Variants in SOX5 observed in about 807,000 individuals in gnomAD.
SOX5 encodes the protein transcription factor SOX-5.
SOX5 carries 9 observed loss-of-function variants against 92.0 expected under a neutral mutation model. The observed-to-expected ratio is 0.10, with a 90% CI of 0.06 to 0.17. The LOEUF is 0.17. Among genes scored for constraint, SOX5 ranks in the 10% least tolerant of loss-of-function variants. SOX5 has a pLI of 1.00. For synonymous variants in SOX5, 344 were observed against 336.3 expected (o/e 1.02, Z -0.25); for missense variants, 642 against 944.5 (o/e 0.68, Z 4.20).
At chr12:23,965,025 CA>C (rs919922095) in intron 4 of SOX5, among the ~76,000 whole-genome samples, 8 of 151,958 alleles carry the variant, frequency 5.3e-5, no homozygotes, top group African/African-American at 1.7e-4. Context: ...CAGCAGCCCC[CA>C]GGGGGCGCGT....
intron 2 of SOX5, among the ~76,000 whole-genome samples, chr12:24,323,555 G>A (rs1057491850): frequency 6.6e-6 from 1 of 151,924 alleles, no homozygotes; most frequent in African/African-American, 2.4e-5. Flanking sequence ...ATATATTACA[G>A]AGAATATTCC....
At position 24,198,940 on chromosome 12, in the gene SOX5, G is replaced by C. The variant is rs142569174; in HGVS notation, c.-2+14403C>G. On this transcript the variant is annotated intron_variant, in intron 4 of 4. Transcript: ENST00000446891. The stretch of plus-strand genomic sequence containing the variant: ...GGCCTGCTCCCCGTGTGGCGCTCCA[G>C]TGAGACGGCAGCCTTGCAGATATCC... 5.6e-4 allele frequency among the ~76,000 whole-genome samples: 86 copies of C among 152,344 alleles called. 1 individual carries two copies. The highest frequency in any genetic ancestry group is 1.9e-3 in the African/African-American group (80 of 41,580).
chr12:23,678,765 C>T, intron 6 of SOX5, among the ~76,000 whole-genome samples: 1 of 152,020 alleles, frequency 6.6e-6, no homozygotes, highest in East Asian at 1.9e-4. Context: ...TAAAGTCAAA[C>T]AGATAGCAAA....
chr12:24,528,203 T>G (rs1029580014), intron 1 of SOX5, among the ~76,000 whole-genome samples: 2 of 152,220 alleles, frequency 1.3e-5, no homozygotes, highest in African/African-American at 4.8e-5. Context: ...AAGATTCTCC[T>G]CTTTGCCACT....
chr12:24,324,317 C>T (rs1443751524), intron 2 of SOX5, among the ~76,000 whole-genome samples: 2 of 152,072 alleles, frequency 1.3e-5, no homozygotes, highest in East Asian at 3.9e-4. Context: ...CCATAAATTG[C>T]CTTTGGTGAA....
upstream of SOX5, among the ~76,000 whole-genome samples, chr12:23,951,326 C>A (rs540690242): frequency 3.3e-5 from 5 of 151,986 alleles, no homozygotes; most frequent in Admixed American, 1.3e-4. Context: ...TTCCTCCCCC[C>A]CAACCCCCTC....
At chr12:24,400,789 G>A (rs1311336962) in intron 1 of SOX5, among the ~76,000 whole-genome samples, 2 of 152,108 alleles carry the variant, frequency 1.3e-5, no homozygotes, top group Non-Finnish European at 2.9e-5. Flanking sequence ...ATACCAAATA[G>A]GTTCAAATAA....
chr12:24,065,835 T>C (rs1940648291), intron 4 of SOX5, among the ~76,000 whole-genome samples: 1 of 152,084 alleles, frequency 6.6e-6, no homozygotes, highest in Admixed American at 6.5e-5. Context: ...CTTATCTCAC[T>C]TCACTTTGCA....
At chr12:24,273,167 A>C (rs1272585799) in intron 3 of SOX5, among the ~76,000 whole-genome samples, 1 of 152,174 alleles carries the variant, frequency 6.6e-6, no homozygotes, top group Non-Finnish European at 1.5e-5. Context: ...GCTGAGGCAC[A>C]AGAATCGCTT....
At chr12:23,653,576 GT>G (rs986741778) in intron 7 of SOX5, among the ~76,000 whole-genome samples, 12 of 152,128 alleles carry the variant, frequency 7.9e-5, no homozygotes, top group African/African-American at 2.9e-4. Context: ...ACAAACATTT[GT>G]TTCTCACAGT....
At chr12:24,058,167 T>G (rs562578043) in intron 4 of SOX5, among the ~76,000 whole-genome samples, 1 of 152,390 alleles carries the variant, frequency 6.6e-6, no homozygotes, top group African/African-American at 2.4e-5. Flanking sequence ...CTCTTAATTT[T>G]GCCATTGCCT....
chr12:24,107,862 C>T (rs1434360996), intron 4 of SOX5, among the ~76,000 whole-genome samples: 3 of 152,156 alleles, frequency 2.0e-5, no homozygotes, highest in African/African-American at 4.8e-5. Flanking sequence ...ACTATGGTAA[C>T]ATTTAAATAT....
chr12:23,594,431 G>A (rs745668707), intron 9 of SOX5, among the ~76,000 whole-genome samples: 1 of 151,974 alleles, frequency 6.6e-6, no homozygotes, highest in Non-Finnish European at 1.5e-5. Flanking sequence ...GTGGAATTAC[G>A]TCTCTCCAAC....
At chr12:23,982,601 T>A (rs541051267) in intron 4 of SOX5, among the ~76,000 whole-genome samples, 16 of 152,244 alleles carry the variant, frequency 1.1e-4, no homozygotes, top group African/African-American at 3.9e-4. Flanking sequence ...TCACTGACAC[T>A]GGAGCTTTTA....
chr12:24,356,509 G>T (rs953319917), intron 2 of SOX5, among the ~76,000 whole-genome samples: 1 of 151,844 alleles, frequency 6.6e-6, no homozygotes, highest in African/African-American at 2.4e-5. Flanking sequence ...CTGAAATAAC[G>T]AAATAAAACA....
chr12:24,248,624 A>G (rs1395453744), intron 3 of SOX5, among the ~76,000 whole-genome samples: 1 of 152,114 alleles, frequency 6.6e-6, no homozygotes, highest in Non-Finnish European at 1.5e-5. Context: ...ACTTCAAGTG[A>G]TCCGCCTGAC....
chr12:23,755,548 T>G, intron 4 of SOX5, 90 bp downstream of exon 4: 1 of 883,356 alleles, frequency 1.1e-6, no homozygotes, highest in Non-Finnish European at 1.8e-6. Context: ...GCAGAAGAGG[T>G]GAGGGCAGAA....
intron 4 of SOX5, among the ~76,000 whole-genome samples, chr12:24,029,075 T>C (rs1435786551): frequency 6.6e-6 from 1 of 152,024 alleles, no homozygotes; most frequent in Non-Finnish European, 1.5e-5. Flanking sequence ...AATATACTCA[T>C]ATACAGGAGA....
At chr12:24,152,282 T>C (rs1184895219) in intron 4 of SOX5, among the ~76,000 whole-genome samples, 1 of 152,224 alleles carries the variant, frequency 6.6e-6, no homozygotes, top group African/African-American at 2.4e-5. Flanking sequence ...ACGTCATTGA[T>C]TAAAGAGGTA....
Sources: gnomAD v4.1 joint callset for allele counts (sites outside exome capture counted in the v4.1 genomes callset) on GRCh38, gnomAD v4.1.1 for gene constraint, MANE v1.5 for transcripts, NCBI Gene and HGNC (gene_info 2026-07-23, HGNC 2026-07-21) for gene names.